Variants in UBAP2 observed in about 807,000 individuals in gnomAD.
UBAP2 encodes the protein ubiquitin-associated protein 2.
A neutral mutation model predicts 139.6 loss-of-function variants in UBAP2; 75 were observed. That is an observed-to-expected ratio of 0.54 (90% confidence interval 0.45 to 0.65). The LOEUF is 0.65. Among genes scored for constraint, UBAP2 ranks in the 30% least tolerant of loss-of-function variants. The probability of loss-of-function intolerance (pLI) is 0.00; values close to 1 mark genes in which losing one functional copy is unlikely to be tolerated. For synonymous variants in UBAP2, 526 were observed against 526.2 expected (o/e 1.00, Z 0.01); for missense variants, 1,368 against 1,369.6 (o/e 1.00, Z 0.02).
At chr9:34,040,843 T>C (rs1827006870) in intron 1 of UBAP2, among the ~76,000 whole-genome samples, 2 of 152,174 alleles carry the variant, frequency 1.3e-5, no homozygotes, top group South Asian at 4.1e-4. Flanking sequence ...CTTGACAGAT[T>C]TGAGAAAATA....
At chr9:34,014,492 G>A (rs1244815598) in intron 2 of UBAP2, among the ~76,000 whole-genome samples, 1 of 151,964 alleles carries the variant, frequency 6.6e-6, no homozygotes, top group East Asian at 1.9e-4. Flanking sequence ...AACTGGAGGT[G>A]GAGGCAGGCA....
chr9:34,007,532 C>T (rs1205203059), intron 2 of UBAP2, among the ~76,000 whole-genome samples: 1 of 150,960 alleles, frequency 6.6e-6, no homozygotes, highest in Non-Finnish European at 1.5e-5. Flanking sequence ...TATGTTCCTT[C>T]CACACTCAGG....
chr9:33,942,309 T>TAGAAAAAA (rs913431918), intron 15 of UBAP2, among the ~76,000 whole-genome samples: 1 of 151,386 alleles, frequency 6.6e-6, no homozygotes, highest in Non-Finnish European at 1.5e-5. Context: ...AGACTCTGTC[T>TAGAAAAAA]AGAAAAAAAG....
Position 33,953,467 on chromosome 9 carries a change from G to T in UBAP2, c.874C>A (p.Leu292Met). The T allele has an allele frequency of 1.2e-6, 2 of 1,613,858 alleles. No individual in the cohort carries two copies. The highest frequency in any genetic ancestry group is 1.7e-6 in the Non-Finnish European group (2 of 1,179,918). ...NHILPGQSIDLVALLQKPVPH... is the reference protein window; with the variant it reads ...NHILPGQSIDMVALLQKPVPH... ...ACAGGCTTCTGGAGCAAGGCTACCA[G>T]ATCAATGCTAAGCAGACAAAAAGCA... The change falls in exon 12 of 29, where the codon CTG becomes ATG. Residue 292 changes from leucine (L) to methionine (M), a missense_variant. By Grantham distance (15) the Leu-to-Met change is conservative (BLOSUM62 2). Transcript: ENST00000379238.
At chr9:34,033,120 A>T (rs532863848) in intron 1 of UBAP2, among the ~76,000 whole-genome samples, 46 of 152,316 alleles carry the variant, frequency 3.0e-4, no homozygotes, top group African/African-American at 1.0e-3. Flanking sequence ...TGCTGGGTAT[A>T]TACCCAAAAT....
At chr9:33,963,660 T>A (rs1171227832) in intron 9 of UBAP2, 66 bp downstream of exon 9, 1 of 945,600 alleles carries the variant, frequency 1.1e-6, no homozygotes, top group Non-Finnish European at 1.6e-6. Context: ...TGATAAAAAA[T>A]GAAAGATATT....
intron 1 of UBAP2, among the ~76,000 whole-genome samples, chr9:34,028,240 T>G (rs538161025): frequency 6.6e-6 from 1 of 152,130 alleles, no homozygotes; most frequent in South Asian, 2.1e-4. Flanking sequence ...CATCAAAATT[T>G]ATTTGATATC....
intron 16 of UBAP2, among the ~76,000 whole-genome samples, chr9:33,936,926 CAAAAAAAAAA>C (rs66465145): frequency 1.0e-4 from 6 of 59,788 alleles, no homozygotes; most frequent in Non-Finnish European, 1.4e-4. Flanking sequence ...AACTCCAGCT[CAAAAAAAAAA>C]AAAAAAAAAA....
chr9:33,996,303 C>G lies in UBAP2; in HGVS notation c.208G>C (p.Glu70Gln). The G allele has an allele frequency of 6.2e-7, 1 of 1,613,602 alleles. No homozygotes were observed. The highest frequency in any genetic ancestry group is 1.1e-5 in the South Asian group (1 of 91,056). ...CAATCATGTAGGGCCACTATGCATT[C>G]ATCCTGATTTTTCCCTGTCACTTCC... ...LMEVTGKNQD[E>Q]CIVALHDCNG... The change falls in exon 4 of 29, where the codon GAA (glutamate) becomes CAA (glutamine). Residue 70 changes from glutamate to glutamine, a missense_variant. Glu to Gln is a conservative substitution (Grantham distance 29). Transcript: ENST00000379238.
intron 7 of UBAP2, among the ~76,000 whole-genome samples, chr9:33,972,408 C>T (rs947233253): frequency 1.3e-5 from 2 of 152,188 alleles, no homozygotes; most frequent in African/African-American, 4.8e-5. Flanking sequence ...AGAGTTTGCT[C>T]CCTGTGTTTT....
chr9:34,013,218 T>C (rs1054514813), intron 2 of UBAP2, among the ~76,000 whole-genome samples: 5 of 149,926 alleles, frequency 3.3e-5, no homozygotes, highest in Admixed American at 1.3e-4. Flanking sequence ...TACTAAGTGC[T>C]AGACCCAGGA....
chr9:33,942,667 T>A (rs307659), intron 15 of UBAP2, among the ~76,000 whole-genome samples: 1 of 150,652 alleles, frequency 6.6e-6, no homozygotes, highest in Non-Finnish European at 1.5e-5. Context: ...GAGGCAGAGG[T>A]TGCAGCGAGC....
chr9:34,047,854 G>T (rs1052935825), intron 1 of UBAP2, among the ~76,000 whole-genome samples: 1 of 152,146 alleles, frequency 6.6e-6, no homozygotes, highest in African/African-American at 2.4e-5. Context: ...CAACTGTTAG[G>T]ATACACTGGT....
intron 13 of UBAP2, among the ~76,000 whole-genome samples, chr9:33,947,951 C>T (rs1421449953): frequency 7.3e-6 from 1 of 137,122 alleles, no homozygotes; most frequent in Non-Finnish European, 1.5e-5. Flanking sequence ...AGGTGGAGAT[C>T]AGCCTACGCA....
At chr9:33,931,226 G>A (rs1297695914) in intron 19 of UBAP2, among the ~76,000 whole-genome samples, 1 of 152,160 alleles carries the variant, frequency 6.6e-6, no homozygotes, top group Non-Finnish European at 1.5e-5. Context: ...GTTCCACAGG[G>A]GCAACTGTGG....
chr9:33,993,726 C>G (rs1821910409), intron 4 of UBAP2, among the ~76,000 whole-genome samples: 1 of 152,138 alleles, frequency 6.6e-6, no homozygotes. Context: ...TTCTGTCCCC[C>G]ACAGCCCACT....
At chr9:33,953,233 T>C (rs1826252547) in intron 12 of UBAP2, 52 bp downstream of exon 12, 1 of 1,491,512 alleles carries the variant, frequency 6.7e-7, no homozygotes, top group African/African-American at 1.4e-5. Flanking sequence ...TAGAATACAT[T>C]TGCTAATGGG....
chr9:34,003,816 T>A (rs369741952), intron 2 of UBAP2, among the ~76,000 whole-genome samples: 3 of 152,144 alleles, frequency 2.0e-5, no homozygotes, highest in Admixed American at 1.3e-4. Flanking sequence ...ACTTCCCAGG[T>A]TGAAGCAATT....
rs148637135 is a variant in UBAP2 at position 33,923,869 on chromosome 9, G to A, written c.2722C>T (p.Pro908Ser). The A allele has an allele frequency of 1.4e-3, 2,281 of 1,614,104 alleles. 5 individuals are homozygous for A. The highest frequency in any genetic ancestry group is 1.7e-3 in the Non-Finnish European group (1,977 of 1,180,042). ...GGAAGACCAGTGTAGCTATAGCCAG[G>A]TGGCAGTGCAGGATTCACGAAGGGC... ...QQPFVNPALPPGYSYTGLPYY... is the reference protein window; with the variant it reads ...QQPFVNPALPSGYSYTGLPYY... The change falls in exon 24 of 29, where the codon CCT (proline) becomes TCT (serine). Residue 908 changes from proline (P) to serine (S), a missense_variant. Coordinates refer to ENST00000379238, the MANE Select transcript of UBAP2 (RefSeq NM_001370062.2).
Sources: allele counts gnomAD v4.1 joint callset (sites outside exome capture counted in the v4.1 genomes callset), GRCh38; gene constraint gnomAD v4.1.1; transcripts MANE v1.5; gene names NCBI Gene and HGNC (gene_info 2026-07-23, HGNC 2026-07-21).